The following ECPAS variants were observed in gnomAD, a reference collection of about 807,000 sequenced individuals.
ECPAS encodes the protein Ecm29 proteasome adaptor and scaffold, also known as proteasome adapter and scaffold protein ECM29.
Under a neutral mutation model 255.1 loss-of-function variants are expected in ECPAS, and 70 were observed. The observed-to-expected ratio is 0.27, with a 90% CI of 0.23 to 0.33. The LOEUF (loss-of-function observed/expected upper bound fraction) is 0.33. Among genes scored for constraint, ECPAS ranks in the 10% least tolerant of loss-of-function variants. The probability of loss-of-function intolerance (pLI) is 1.00; values close to 1 mark genes in which losing one functional copy is unlikely to be tolerated. For missense variants in ECPAS, 1,817 were observed against 2,206.4 expected (o/e 0.82, Z 3.54); for synonymous variants, 784 against 775.0 (o/e 1.01, Z -0.19).
Position 111,423,179 on chromosome 9 carries a change from C to CTTTTAA in ECPAS, c.1265+19_1265+20insTTAAAA. The CTTTTAA allele has an allele frequency of 1.3e-6, 2 of 1,527,980 alleles. No individual in the cohort carries two copies. The highest frequency in any genetic ancestry group is 1.8e-6 in the Non-Finnish European group (2 of 1,124,548). 94.7% of individuals were successfully genotyped at this position (1,527,980 alleles called of 1,614,324 possible). A position where few individuals can be genotyped will look rare whatever the true frequency, so the allele number is the denominator to read the frequency against. Reference sequence around the variant, plus strand: ...CTGTTTACCAACACCATATCTCTCACTAAAAAAGAGTTTACTCACCTGGAG... The same window carrying CTTTTAA: ...CTGTTTACCAACACCATATCTCTCACTTTTAATAAAAAAGAGTTTACTCACCTGGAG... On this transcript the variant is annotated intron_variant, in intron 13 of 49. Transcript: ENST00000684092.
intron 1 of ECPAS, among the ~76,000 whole-genome samples, chr9:111,480,287 CTTTTCT>C (rs1397690431): frequency 1.8e-5 from 2 of 113,682 alleles, no homozygotes; most frequent in African/African-American, 6.8e-5. Flanking sequence ...TTAAAAGCAC[CTTTTCT>C]TTTTTTTTTT....
intron 6 of ECPAS, among the ~76,000 whole-genome samples, chr9:111,437,722 T>C (rs1415524806): frequency 2.6e-5 from 4 of 152,186 alleles, no homozygotes; most frequent in African/African-American, 9.7e-5. Context: ...CTTTTCCCAT[T>C]ACATGTTCAA....
chr9:111,418,307 G>T (rs1303470666), intron 16 of ECPAS, among the ~76,000 whole-genome samples: 1 of 152,092 alleles, frequency 6.6e-6, no homozygotes, highest in East Asian at 1.9e-4. Flanking sequence ...GCTTTACCTC[G>T]TAGAGTTAAA....
intron 39 of ECPAS, 50 bp from the exon 40 acceptor site, chr9:111,373,456 C>A: frequency 6.7e-7 from 1 of 1,485,682 alleles, no homozygotes; most frequent in Non-Finnish European, 9.4e-7. Context: ...ACCAAATGTT[C>A]CACTCTGTTC....
intron 24 of ECPAS, among the ~76,000 whole-genome samples, chr9:111,402,646 C>G (rs1476935845): frequency 1.3e-5 from 2 of 151,980 alleles, no homozygotes; most frequent in Non-Finnish European, 2.9e-5. Flanking sequence ...TAAAAAGATA[C>G]AAGTTGAGAA....
intron 46 of ECPAS, among the ~76,000 whole-genome samples, chr9:111,367,751 A>G (rs2098122199): frequency 6.6e-6 from 1 of 152,106 alleles, no homozygotes; most frequent in Non-Finnish European, 1.5e-5. Context: ...TATAACATTC[A>G]ATAATATTGT....
At chr9:111,401,626 G>C (rs768921605) in intron 24 of ECPAS, among the ~76,000 whole-genome samples, 2 of 152,212 alleles carry the variant, frequency 1.3e-5, no homozygotes, top group South Asian at 2.1e-4. Flanking sequence ...CACTGCAGGA[G>C]ACCAGGGCAT....
intron 36 of ECPAS, among the ~76,000 whole-genome samples, 169 bp downstream of exon 36, chr9:111,378,411 C>G (rs1177319400): frequency 6.6e-6 from 1 of 152,170 alleles, no homozygotes; most frequent in Non-Finnish European, 1.5e-5. Context: ...ATTCACAAGA[C>G]AGTGTATGAG....
chr9:111,423,067 A>G, intron 13 of ECPAS, 132 bp downstream of exon 13: 1 of 648,434 alleles, frequency 1.5e-6, no homozygotes, highest in South Asian at 2.0e-5. Flanking sequence ...AGACATTTCT[A>G]AACAACCTAT....
chr9:111,472,319 T>C (rs2098289527), intron 2 of ECPAS, among the ~76,000 whole-genome samples: 1 of 152,074 alleles, frequency 6.6e-6, no homozygotes, highest in African/African-American at 2.4e-5. Flanking sequence ...AAATGACTTT[T>C]TGTGATTGTG....
chr9:111,474,961 T>C (rs1194928991), intron 1 of ECPAS, among the ~76,000 whole-genome samples: 1 of 152,188 alleles, frequency 6.6e-6, no homozygotes, highest in African/African-American at 2.4e-5. Flanking sequence ...ATTCCCATCA[T>C]AACAGACTTA....
intron 2 of ECPAS, among the ~76,000 whole-genome samples, chr9:111,469,224 C>T (rs908318712): frequency 1.3e-5 from 2 of 151,872 alleles, no homozygotes; most frequent in African/African-American, 2.4e-5. Flanking sequence ...GGCAACATAG[C>T]GAGACTCTGT....
chr9:111,412,172 A>T lies in ECPAS; in HGVS notation c.2080-24T>A, dbSNP rs193231763. On this transcript the variant is annotated intron_variant, in intron 20 of 49. Transcript: ENST00000684092. ...CTCTGAGCAGTATAAAAAAAAAACA[A>T]ATATATACATGACACAGAACCACGT... 3,278 of 1,541,298 alleles carry T rather than the reference A, an allele frequency of 2.1e-3. 80 individuals are homozygous for T. The African/African-American group carries it at 0.043, about 20-fold the overall frequency.
Position 111,484,300 on chromosome 9 carries a change from G to T in ECPAS, c.-267C>A. On this transcript the variant is annotated 5_prime_UTR_variant, in exon 1 of 50. Coordinates refer to ENST00000684092, the MANE Select transcript of ECPAS (RefSeq NM_001364929.1). ...GAAATCCTCGAGGCGGGGCCGGAGCGCCCTTTTCCGAGGTCTGCGGCTGTC... is the reference window on the plus strand; with the variant it reads ...GAAATCCTCGAGGCGGGGCCGGAGCTCCCTTTTCCGAGGTCTGCGGCTGTC... 1 of 1,557,954 alleles carries T rather than the reference G, an allele frequency of 6.4e-7. No homozygotes were observed. Among genetic ancestry groups the T allele is most frequent in the East Asian group, 2.4e-5 (1 of 42,324 alleles).
chr9:111,442,894 C>T (rs1008046768), intron 4 of ECPAS, among the ~76,000 whole-genome samples: 3 of 152,204 alleles, frequency 2.0e-5, no homozygotes, highest in Non-Finnish European at 2.9e-5. Context: ...ACTCCAGTAA[C>T]TCACCAATGC....
intron 10 of ECPAS, among the ~76,000 whole-genome samples, 167 bp from the exon 11 acceptor site, chr9:111,425,995 T>G (rs915400205): frequency 2.0e-5 from 3 of 152,196 alleles, no homozygotes; most frequent in Non-Finnish European, 4.4e-5. Flanking sequence ...AATCAGAAGC[T>G]CCTATAAATA....
chr9:111,414,041 G>C, intron 19 of ECPAS, 55 bp from the exon 20 acceptor site: 1 of 1,189,326 alleles, frequency 8.4e-7, no homozygotes, highest in Middle Eastern at 1.9e-4. Context: ...GAACATACAG[G>C]GATCACTAAA....
At chr9:111,483,921 G>GC (rs964402391) in intron 1 of ECPAS, 195 bp downstream of exon 1, 268 of 719,906 alleles carry the variant, frequency 3.7e-4, no homozygotes, top group African/African-American at 9.3e-4. Flanking sequence ...CCTCCCAGCG[G>GC]CCCCCCCGCC....
intron 1 of ECPAS, chr9:111,483,806 T>C (rs2098310851): frequency 1.5e-5 from 3 of 205,826 alleles, no homozygotes; most frequent in South Asian, 3.0e-4. Flanking sequence ...CGCCGCCGTC[T>C]GTGCGGCCGA....
Sources: gnomAD v4.1 joint callset for allele counts (sites outside exome capture counted in the v4.1 genomes callset) on GRCh38, gnomAD v4.1.1 for gene constraint, MANE v1.5 for transcripts, NCBI Gene and HGNC (gene_info 2026-07-23, HGNC 2026-07-21) for gene names.